PAPPA2: variants seen among roughly 807,000 people sequenced by gnomAD.
PAPPA2 encodes the protein pappalysin 2, also known as pappalysin-2.
Under a neutral mutation model 176.4 loss-of-function variants are expected in PAPPA2, and 86 were observed. That is an observed-to-expected ratio of 0.49 (90% CI 0.41 to 0.58). PAPPA2 has a LOEUF of 0.58. PAPPA2 is among the 20% of genes least tolerant of loss of function. The pLI is 0.00. For missense variants in PAPPA2, 2,073 were observed against 2,256.9 expected, an observed-to-expected ratio of 0.92 and a Z score of 1.65; for synonymous variants, 809 against 852.2, an observed-to-expected ratio of 0.95 and a Z score of 0.88.
intron 2 of PAPPA2, among the ~76,000 whole-genome samples, chr1:176,562,274 C>G (rs1363722591): frequency 6.6e-6 from 1 of 151,972 alleles, no homozygotes; most frequent in Non-Finnish European, 1.5e-5. Context: ...CTGAAACATC[C>G]CCTTCTCCCA....
chr1:176,602,224 C>G (rs959164057), intron 3 of PAPPA2, among the ~76,000 whole-genome samples: 16 of 152,180 alleles, frequency 1.1e-4, no homozygotes, highest in African/African-American at 3.6e-4. Flanking sequence ...TCTTCTTTGC[C>G]TCATTCCCTG....
intron 3 of PAPPA2, among the ~76,000 whole-genome samples, chr1:176,618,053 A>C (rs1389211897): frequency 6.6e-6 from 1 of 152,172 alleles, no homozygotes; most frequent in Non-Finnish European, 1.5e-5. Context: ...CAGCTAGATG[A>C]CATACTAAGT....
intron 1 of PAPPA2, among the ~76,000 whole-genome samples, chr1:176,513,772 A>G (rs910860294): frequency 6.6e-6 from 1 of 152,156 alleles, no homozygotes; most frequent in Non-Finnish European, 1.5e-5. Context: ...TCATTTATAT[A>G]CTACATCCTC....
chr1:176,762,203 G>T (rs1470163940), intron 14 of PAPPA2, among the ~76,000 whole-genome samples: 4 of 151,120 alleles, frequency 2.6e-5, no homozygotes, highest in Admixed American at 1.3e-4. Context: ...ATTTGCAGCA[G>T]CTGCCCTAAA....
At chr1:176,651,090 T>G (rs1657694449) in intron 3 of PAPPA2, among the ~76,000 whole-genome samples, 1 of 151,748 alleles carries the variant, frequency 6.6e-6, no homozygotes, top group Non-Finnish European at 1.5e-5. Context: ...AAACTCTTAT[T>G]AGATTGTTAT....
At chr1:176,781,267 C>T (rs1204341828) in intron 17 of PAPPA2, among the ~76,000 whole-genome samples, 1 of 146,244 alleles carries the variant, frequency 6.8e-6, no homozygotes, top group Admixed American at 7.0e-5. Flanking sequence ...AGGGGCGGGA[C>T]ATGGAAGTAA....
intron 2 of PAPPA2, among the ~76,000 whole-genome samples, chr1:176,567,445 G>C (rs751129700): frequency 2.0e-5 from 3 of 152,192 alleles, no homozygotes; most frequent in Non-Finnish European, 4.4e-5. Context: ...TAATCAGTTA[G>C]TGAGTCATCA....
At chr1:176,807,648 A>G (rs1665963398) in intron 21 of PAPPA2, among the ~76,000 whole-genome samples, 1 of 151,912 alleles carries the variant, frequency 6.6e-6, no homozygotes, top group African/African-American at 2.4e-5. Context: ...GGCATGTGCC[A>G]CCACACCTGG....
chr1:176,500,417 C>CT (rs998466982), intron 1 of PAPPA2, among the ~76,000 whole-genome samples: 1 of 150,322 alleles, frequency 6.7e-6, no homozygotes, highest in African/African-American at 2.4e-5. Context: ...TTTCTAAAAG[C>CT]TTTTTTCACT....
Position 176,595,505 on chromosome 1 carries a change from A to G in PAPPA2, c.1901A>G (p.Asn634Ser). ...RDGLCHVECN[N>S]MLNDFDDGDC... The stretch of plus-strand genomic sequence containing the variant: ...GGGCTCTGTCACGTGGAGTGTAACA[A>G]CATGCTGAACGACTTTGACGACGGA... Residue 634 changes from asparagine (N) to serine (S), a missense_variant, in exon 3 of 23, where the codon AAC becomes AGC. Around this residue, in one of 4 missense-constraint regions of PAPPA2, gnomAD observed 1,196 missense variants for 1,330.4 expected, o/e 0.90. Coordinates refer to ENST00000367662, the MANE Select transcript of PAPPA2 (RefSeq NM_020318.3). 1.2e-6 allele frequency: 2 copies of G among 1,614,170 alleles called. No individual in the cohort carries two copies. The highest frequency in any genetic ancestry group is 2.2e-5 in the South Asian group (2 of 91,088).
In PAPPA2 at chr1:176,594,734, C is replaced by T. The variant is rs748845466; in HGVS notation, c.1130C>T (p.Ala377Val). Residue 377 changes from alanine (A) to valine (V), a missense_variant, in exon 3 of 23, where the codon GCC becomes GTC. Transcript: ENST00000367662. ...GCCACTTACGATGGACGGCACATGG[C>T]CCTGTATGTGGATGGCACTCAGGTG... ...VAATYDGRHM[A>V]LYVDGTQVAS... 1.2e-6 allele frequency: 2 copies of T among 1,614,228 alleles called. No individual in the cohort carries two copies. The highest frequency in any genetic ancestry group is 8.5e-7 in the Non-Finnish European group (1 of 1,180,040).
At chr1:176,577,837 C>T (rs1016143302) in intron 2 of PAPPA2, among the ~76,000 whole-genome samples, 1 of 152,124 alleles carries the variant, frequency 6.6e-6, no homozygotes, top group African/African-American at 2.4e-5. Flanking sequence ...ATGACCTAAC[C>T]TGGCCCTGTT....
chr1:176,581,634 A>T (rs982501618), intron 2 of PAPPA2, among the ~76,000 whole-genome samples: 4 of 151,998 alleles, frequency 2.6e-5, no homozygotes, highest in Admixed American at 1.3e-4. Flanking sequence ...TATTTCTTTC[A>T]TCAGTGTGTT....
chr1:176,770,317 G>C (rs1190378866), intron 16 of PAPPA2, among the ~76,000 whole-genome samples: 2 of 152,140 alleles, frequency 1.3e-5, no homozygotes, highest in Non-Finnish European at 2.9e-5. Context: ...AGTGAGTCTG[G>C]GGTGAGATAA....
In PAPPA2 at chr1:176,490,846, T is replaced by C. The variant is rs186226730; in HGVS notation, c.-917+27428T>C. On this transcript the variant is annotated intron_variant, in intron 1 of 22. Transcript: ENST00000367662. The stretch of plus-strand genomic sequence containing the variant: ...GGTAGGAGCCCACAGTCTAGCTCGA[T>C]CTCAGGTTCCCAACGCCCCAAATAA... 5.9e-5 allele frequency among the ~76,000 whole-genome samples: 9 copies of C among 152,298 alleles called. No individual in the cohort carries two copies. The East Asian group carries it at 1.7e-3, about 29-fold the overall frequency.
intron 3 of PAPPA2, among the ~76,000 whole-genome samples, chr1:176,630,289 G>C (rs150468562): frequency 2.2e-3 from 341 of 152,204 alleles, no homozygotes; most frequent in Non-Finnish European, 4.0e-3. Context: ...GGTGAAGGTG[G>C]AATATATGTT....
intron 1 of PAPPA2, among the ~76,000 whole-genome samples, chr1:176,546,108 C>A (rs1039769834): frequency 6.6e-6 from 1 of 152,102 alleles, no homozygotes; most frequent in African/African-American, 2.4e-5. Context: ...AACATGCACA[C>A]TTTATTTATT....
intron 17 of PAPPA2, among the ~76,000 whole-genome samples, chr1:176,772,774 T>C (rs137892051): frequency 4.2e-4 from 64 of 152,328 alleles, no homozygotes; most frequent in African/African-American, 1.4e-3. Flanking sequence ...AGGCATGCAC[T>C]GATAGACAGT....
intron 1 of PAPPA2, among the ~76,000 whole-genome samples, chr1:176,491,408 C>T (rs913361260): frequency 2.6e-5 from 4 of 152,052 alleles, no homozygotes; most frequent in African/African-American, 9.7e-5. Context: ...TGAACATAAG[C>T]ATGGAGTTAG....
Sources: allele counts gnomAD v4.1 joint callset (sites outside exome capture counted in the v4.1 genomes callset), GRCh38; gene constraint gnomAD v4.1.1; regional missense constraint gnomAD v4.1.1; transcripts MANE v1.5; gene names NCBI Gene and HGNC (gene_info 2026-07-23, HGNC 2026-07-21).